ARID4A: variants seen among roughly 807,000 people sequenced by gnomAD.
ARID4A encodes the protein AT-rich interactive domain-containing protein 4A.
ARID4A carries 39 observed loss-of-function variants against 148.6 expected under a neutral mutation model. The observed-to-expected ratio is 0.26, with a 90% CI of 0.20 to 0.34. The LOEUF (loss-of-function observed/expected upper bound fraction) is 0.34, where lower values mean the gene tolerates loss of function less well. Among genes scored for constraint, ARID4A ranks in the 10% least tolerant of loss-of-function variants. The pLI is 1.00. For missense variants in ARID4A, 1,265 were observed against 1,449.1 expected (o/e 0.87, Z 2.06); for synonymous variants, 475 against 481.2 (o/e 0.99, Z 0.17).
chr14:58,340,987 G>C (rs2034091743), intron 11 of ARID4A, among the ~76,000 whole-genome samples: 1 of 152,138 alleles, frequency 6.6e-6, no homozygotes, highest in Non-Finnish European at 1.5e-5. Flanking sequence ...GTAAAATTGT[G>C]AGTAAGTCAG....
At chr14:58,308,906 A>AT (rs1193619592) in intron 5 of ARID4A, among the ~76,000 whole-genome samples, 1 of 152,200 alleles carries the variant, frequency 6.6e-6, no homozygotes, top group Admixed American at 6.5e-5. Flanking sequence ...AGGATACCAC[A>AT]TTGCTGGTTT....
chr14:58,309,707 A>T (rs369386327), intron 5 of ARID4A, among the ~76,000 whole-genome samples: 17 of 152,370 alleles, frequency 1.1e-4, no homozygotes, highest in African/African-American at 4.1e-4. Flanking sequence ...TCTAGTAATT[A>T]ACTTTGAAAA....
intron 5 of ARID4A, among the ~76,000 whole-genome samples, chr14:58,309,704 ATTAACT>A (rs1365592955): frequency 6.6e-6 from 1 of 152,242 alleles, no homozygotes; most frequent in Non-Finnish European, 1.5e-5. Context: ...AATTCTAGTA[ATTAACT>A]TTGAAAATGT....
chr14:58,304,866 A>G (rs964463897), intron 3 of ARID4A, 78 bp from the exon 4 acceptor site: 19 of 1,187,260 alleles, frequency 1.6e-5, no homozygotes, highest in Non-Finnish European at 2.3e-5. Flanking sequence ...TAAATTAAAG[A>G]CATTATTGTT....
intron 19 of ARID4A, among the ~76,000 whole-genome samples, chr14:58,362,555 C>T (rs188216501): frequency 6.6e-6 from 1 of 151,966 alleles, no homozygotes; most frequent in African/African-American, 2.4e-5. Flanking sequence ...CATCACTGCA[C>T]TCCAGCCTGG....
At chr14:58,346,013 G>C (rs1379034978) in intron 12 of ARID4A, among the ~76,000 whole-genome samples, 1 of 151,660 alleles carries the variant, frequency 6.6e-6, no homozygotes, top group African/African-American at 2.4e-5. Flanking sequence ...TGGGGTTACA[G>C]GTGTGAGCCA....
chr14:58,327,553 G>A (rs1436580984), intron 8 of ARID4A, among the ~76,000 whole-genome samples: 1 of 151,142 alleles, frequency 6.6e-6, no homozygotes, highest in Non-Finnish European at 1.5e-5. Flanking sequence ...CCTTATTCAA[G>A]TATATTTTTA....
chr14:58,319,430 A>G (rs1463377812), intron 7 of ARID4A, among the ~76,000 whole-genome samples: 1 of 148,828 alleles, frequency 6.7e-6, no homozygotes, highest in African/African-American at 2.5e-5. Context: ...TTAAGTGAGT[A>G]TATGTTTTTT....
At chr14:58,368,248 A>C (rs2035445369) in intron 23 of ARID4A, among the ~76,000 whole-genome samples, 1 of 152,182 alleles carries the variant, frequency 6.6e-6, no homozygotes, top group Admixed American at 6.5e-5. Context: ...TCAAGGCCTA[A>C]TCCTCTTGGC....
At chr14:58,349,373 G>A (rs551026189) in intron 15 of ARID4A, among the ~76,000 whole-genome samples, 46 of 151,746 alleles carry the variant, frequency 3.0e-4, no homozygotes, top group Middle Eastern at 3.4e-3. Context: ...GCTGCCGGGC[G>A]CGGTGGCTCA....
chr14:58,304,759 A>G (rs1026288942), intron 3 of ARID4A, among the ~76,000 whole-genome samples, 185 bp from the exon 4 acceptor site: 1 of 152,200 alleles, frequency 6.6e-6, no homozygotes, highest in Non-Finnish European at 1.5e-5. Context: ...GGATATAGCA[A>G]TGAAGGGAAG....
chr14:58,365,848 C>T (rs918005044), intron 21 of ARID4A, among the ~76,000 whole-genome samples, 176 bp from the exon 22 acceptor site: 1 of 151,798 alleles, frequency 6.6e-6, no homozygotes, highest in Non-Finnish European at 1.5e-5. Flanking sequence ...ACCATTTCCC[C>T]GTTGGTGAGC....
At chr14:58,339,395 C>T (rs2033996202) in intron 11 of ARID4A, among the ~76,000 whole-genome samples, 1 of 152,086 alleles carries the variant, frequency 6.6e-6, no homozygotes, top group Non-Finnish European at 1.5e-5. Flanking sequence ...TTAGTTATAC[C>T]TTTCCTCACT....
chr14:58,350,484 C>T (rs367650961), intron 15 of ARID4A, among the ~76,000 whole-genome samples: 4 of 152,284 alleles, frequency 2.6e-5, no homozygotes, highest in East Asian at 3.9e-4. Context: ...GGTGGTAAAA[C>T]ATATTGCTGT....
intron 17 of ARID4A, among the ~76,000 whole-genome samples, chr14:58,355,714 A>C (rs2034839665): frequency 6.6e-6 from 1 of 152,216 alleles, no homozygotes; most frequent in Non-Finnish European, 1.5e-5. Flanking sequence ...AAAGGAATAT[A>C]TCATACCAAC....
rs562643836 is a variant in ARID4A at position 58,357,636 on chromosome 14, C to T, written c.1854-1496C>T. 9.6e-5 allele frequency among the ~76,000 whole-genome samples: 12 copies of T among 124,946 alleles called. No individual in the cohort carries two copies. The East Asian group carries it at 2.3e-3, about 24-fold the overall frequency. 82.0% of individuals were successfully genotyped at this position (124,946 alleles called of 152,430 possible). On this transcript the variant is annotated intron_variant, in intron 17 of 23. Transcript: ENST00000355431. ...ATGGTTTTTTTTTTTTTTTTTAGCT[C>T]ATCAGCTATCGTTAGTGTTATTTTA...
intron 12 of ARID4A, 136 bp downstream of exon 12, chr14:58,344,903 T>TG: frequency 1.5e-6 from 1 of 680,310 alleles, no homozygotes; most frequent in Non-Finnish European, 2.4e-6. Context: ...GGCAGGTTCT[T>TG]GCTTTGATGC....
At chr14:58,362,758 A>G (rs953117916) in intron 19 of ARID4A, among the ~76,000 whole-genome samples, 3 of 152,018 alleles carry the variant, frequency 2.0e-5, no homozygotes, top group Non-Finnish European at 4.4e-5. Flanking sequence ...GGGTTTTACT[A>G]TGTTAGCCAC....
chr14:58,328,951 C>T (rs1341114566), intron 9 of ARID4A, among the ~76,000 whole-genome samples: 2 of 151,202 alleles, frequency 1.3e-5, no homozygotes, highest in Non-Finnish European at 2.9e-5. Context: ...CGAGATCGCG[C>T]CACTGCACTC....
Sources: allele counts gnomAD v4.1 joint callset (sites outside exome capture counted in the v4.1 genomes callset), GRCh38; gene constraint gnomAD v4.1.1; transcripts MANE v1.5; gene names NCBI Gene and HGNC (gene_info 2026-07-23, HGNC 2026-07-21).